BMPR2: variants seen among roughly 807,000 people sequenced by gnomAD.
BMPR2 encodes the protein bone morphogenetic protein receptor type 2.
Under a neutral mutation model 100.8 loss-of-function variants are expected in BMPR2, and 29 were observed. The ratio of observed to expected loss-of-function variants is 0.29; its 90% CI spans 0.21 to 0.39. BMPR2 has a LOEUF of 0.39. Among genes scored for constraint, BMPR2 ranks in the 10% least tolerant of loss-of-function variants. The pLI is 1.00. For synonymous variants in BMPR2, 382 were observed against 442.3 expected (o/e 0.86, Z 1.71); for missense variants, 1,011 against 1,274.5 (o/e 0.79, Z 3.15).
At chr2:202,552,046 G>A (rs1688489232) in intron 10 of BMPR2, among the ~76,000 whole-genome samples, 1 of 152,100 alleles carries the variant, frequency 6.6e-6, no homozygotes, top group Admixed American at 6.6e-5. Flanking sequence ...GTAGAGACGA[G>A]GTTTCACTGT....
At chr2:202,423,263 A>G (rs1200815501) in intron 1 of BMPR2, among the ~76,000 whole-genome samples, 2 of 152,222 alleles carry the variant, frequency 1.3e-5, no homozygotes, top group Non-Finnish European at 2.9e-5. Flanking sequence ...ATAGAAAAGC[A>G]AAGTGTTCTA....
At chr2:202,504,338 T>C (rs948207018) in intron 3 of BMPR2, among the ~76,000 whole-genome samples, 2 of 152,066 alleles carry the variant, frequency 1.3e-5, no homozygotes, top group African/African-American at 4.8e-5. Context: ...GTCTGCAGCT[T>C]CACTCCTGAA....
At chr2:202,395,036 AC>A (rs35896267) in intron 1 of BMPR2, among the ~76,000 whole-genome samples, 18,011 of 151,836 alleles carry the variant, frequency 0.12, 1,184 homozygotes, top group Admixed American at 0.14. Context: ...GGTGCCCGCC[AC>A]CACGCCTGGC....
chr2:202,501,816 C>T (rs2105991548), intron 3 of BMPR2, among the ~76,000 whole-genome samples: 1 of 152,352 alleles, frequency 6.6e-6, no homozygotes, highest in East Asian at 1.9e-4. Flanking sequence ...GCCCTCAACC[C>T]TGCCACTTTT....
intron 3 of BMPR2, among the ~76,000 whole-genome samples, chr2:202,470,114 C>A (rs945627549): frequency 6.6e-6 from 1 of 151,980 alleles, no homozygotes; most frequent in Non-Finnish European, 1.5e-5. Flanking sequence ...GAGACTGAGG[C>A]GGGCAGATCA....
At chr2:202,478,420 G>C (rs1692591555) in intron 3 of BMPR2, among the ~76,000 whole-genome samples, 1 of 152,174 alleles carries the variant, frequency 6.6e-6, no homozygotes. Context: ...CTATGTATTT[G>C]GAATGGGTTG....
intron 1 of BMPR2, among the ~76,000 whole-genome samples, chr2:202,417,477 T>A (rs1005858907): frequency 2.6e-5 from 4 of 151,802 alleles, no homozygotes; most frequent in Non-Finnish European, 5.9e-5. Context: ...TAATTTTGTA[T>A]TTTTTAGTAG....
At chr2:202,400,402 T>G (rs1690748305) in intron 1 of BMPR2, among the ~76,000 whole-genome samples, 1 of 151,842 alleles carries the variant, frequency 6.6e-6, no homozygotes, top group East Asian at 1.9e-4. Flanking sequence ...CTTCCTGCCT[T>G]GGCCTCCAAA....
At chr2:202,480,781 A>G (rs1574470388) in intron 3 of BMPR2, among the ~76,000 whole-genome samples, 1 of 151,674 alleles carries the variant, frequency 6.6e-6, no homozygotes, top group South Asian at 2.1e-4. Flanking sequence ...GTGAAACCCC[A>G]TCTCTACTAA....
At chr2:202,454,361 G>A (rs1203349976) in intron 1 of BMPR2, among the ~76,000 whole-genome samples, 2 of 152,142 alleles carry the variant, frequency 1.3e-5, no homozygotes, top group African/African-American at 4.8e-5. Flanking sequence ...GTGAGCCACT[G>A]CACCCAGCCC....
chr2:202,446,587 A>G (rs551498280), intron 1 of BMPR2, among the ~76,000 whole-genome samples: 1 of 150,218 alleles, frequency 6.7e-6, no homozygotes, highest in Non-Finnish European at 1.5e-5. Flanking sequence ...ATGAATACTC[A>G]TGATCCTACC....
chr2:202,378,880 T>C (rs1200348028), intron 1 of BMPR2, among the ~76,000 whole-genome samples: 1 of 152,214 alleles, frequency 6.6e-6, no homozygotes, highest in Non-Finnish European at 1.5e-5. Flanking sequence ...AAACGTTCCA[T>C]GAGCAGAAAT....
At position 202,475,949 on chromosome 2, in the gene BMPR2, C is replaced by A. The variant is rs143241891; in HGVS notation, c.418+8260C>A. 4.7e-3 allele frequency among the ~76,000 whole-genome samples: 721 copies of A among 152,116 alleles called. 16 individuals are homozygous for A. Among genetic ancestry groups the A allele is most frequent in the Admixed American group, 0.035 (529 of 15,252 alleles). ...ATTAGCCGGGCGTGGTGGCACATGCCTGTAATCTCAGCCACTTGGGAGGCC... is the reference window on the plus strand; with the variant it reads ...ATTAGCCGGGCGTGGTGGCACATGCATGTAATCTCAGCCACTTGGGAGGCC... On this transcript the variant is annotated intron_variant, in intron 3 of 12. Transcript: ENST00000374580.
chr2:202,378,663 T>G (rs1690208177), intron 1 of BMPR2, among the ~76,000 whole-genome samples: 2 of 152,226 alleles, frequency 1.3e-5, no homozygotes, highest in Admixed American at 6.5e-5. Flanking sequence ...TAATGTCTGT[T>G]AAATTGATGA....
Position 202,406,980 on chromosome 2 carries a change from G to A in BMPR2, c.76+29430G>A, listed in dbSNP as rs560180286. ...TTGAGACAGAGTTTCAAACTTACTC[G>A]ATTGTCACCCAGGCTGGAGTGCAGT... On this transcript the variant is annotated intron_variant, in intron 1 of 12. Coordinates refer to ENST00000374580, the MANE Select transcript of BMPR2 (RefSeq NM_001204.7). 3.3e-5 allele frequency among the ~76,000 whole-genome samples: 5 copies of A among 150,772 alleles called. No individual in the cohort carries two copies. The East Asian group carries it at 5.8e-4, about 18-fold the overall frequency.
intron 7 of BMPR2, among the ~76,000 whole-genome samples, chr2:202,527,935 G>C (rs1687948673): frequency 6.6e-6 from 1 of 152,150 alleles, no homozygotes; most frequent in African/African-American, 2.4e-5. Context: ...TGTAATCCCA[G>C]CACTTTAGGA....
rs4281883 is a variant in BMPR2 at position 202,503,488 on chromosome 2, C to T, written c.419-10231C>T. Among the ~76,000 whole-genome samples, 14,922 of 152,320 alleles carry T rather than the reference C, an allele frequency of 0.098. 979 individuals carry two copies. The highest frequency in any genetic ancestry group is 0.25 in the South Asian group (1,185 of 4,828). ...GCCCCGCACTCGGAGCAGCCAGCCC[C>T]GGGCAATGAGGGGCTTAGCACCCAG... On this transcript the variant is annotated intron_variant, in intron 3 of 12. Coordinates refer to ENST00000374580, the MANE Select transcript of BMPR2 (RefSeq NM_001204.7). This position sits in a 1 kb window ranked among gnomAD's most constrained non-coding sequence, Gnocchi z 4.0.
chr2:202,543,234 T>G (rs976041302), intron 10 of BMPR2, among the ~76,000 whole-genome samples: 20 of 147,004 alleles, frequency 1.4e-4, no homozygotes, highest in East Asian at 1.2e-3. Context: ...ATATATATAT[T>G]TATATACATA....
At chr2:202,457,561 T>TAG (rs72489501) in intron 1 of BMPR2, among the ~76,000 whole-genome samples, 1,481 of 94,816 alleles carry the variant, frequency 0.016, 10 homozygotes, top group Middle Eastern at 0.039. Flanking sequence ...TATATATATA[T>TAG]AGAGAGAGAG....
Sources: allele counts gnomAD v4.1 joint callset (sites outside exome capture counted in the v4.1 genomes callset), GRCh38; gene constraint gnomAD v4.1.1; non-coding constraint Gnocchi (gnomAD v3.1); transcripts MANE v1.5; gene names NCBI Gene and HGNC (gene_info 2026-07-23, HGNC 2026-07-21).